Variants in PDIA3 observed in about 807,000 individuals in gnomAD.
PDIA3 encodes the protein protein disulfide-isomerase A3.
PDIA3 carries 16 observed loss-of-function variants against 56.9 expected under a neutral mutation model. The ratio of observed to expected loss-of-function variants is 0.28; its 90% CI spans 0.19 to 0.43. PDIA3 has a LOEUF of 0.43. PDIA3 is among the 20% of genes least tolerant of loss of function. The pLI is 1.00. For missense variants in PDIA3, 485 were observed against 621.3 expected, an observed-to-expected ratio of 0.78 and a Z score of 2.33; for synonymous variants, 192 against 216.5, an observed-to-expected ratio of 0.89 and a Z score of 0.99.
intron 3 of PDIA3, among the ~76,000 whole-genome samples, chr15:43,760,050 G>A (rs117519814): frequency 0.048 from 7,363 of 152,008 alleles, 242 homozygotes; most frequent in East Asian, 0.12. Context: ...TGTTGCAATC[G>A]CGCCATTGCA....
chr15:43,771,481 G>T lies in PDIA3; in HGVS notation c.*263G>T. 6.7e-6 allele frequency: 3 copies of T among 448,082 alleles called. No individual in the cohort carries two copies. The highest frequency in any genetic ancestry group is 3.3e-5 in the East Asian group (1 of 30,120). 27.8% of individuals were successfully genotyped at this position (448,082 alleles called of 1,614,324 possible). On this transcript the variant is annotated 3_prime_UTR_variant, in exon 13 of 13. Transcript: ENST00000300289. ...GTTGTGGGGGTGGGGTTGAGTTGGG[G>T]GTATTTTCTAATTTTTTTTGTACAT...
chr15:43,748,307 C>A (rs1180613918), intron 1 of PDIA3, among the ~76,000 whole-genome samples: 1 of 147,514 alleles, frequency 6.8e-6, no homozygotes, highest in Non-Finnish European at 1.5e-5. Flanking sequence ...GAGAAACCCC[C>A]GTCTCTACTA....
At chr15:43,756,552 C>A (rs1272968271) in intron 2 of PDIA3, 97 bp from the exon 3 acceptor site, 10 of 734,294 alleles carry the variant, frequency 1.4e-5, no homozygotes, top group South Asian at 3.2e-5. Context: ...TTCCTTGATC[C>A]CCTTAGGATT....
intron 4 of PDIA3, among the ~76,000 whole-genome samples, 197 bp from the exon 5 acceptor site, chr15:43,762,880 A>T (rs182369274): frequency 5.7e-4 from 87 of 152,212 alleles, no homozygotes; most frequent in Non-Finnish European, 1.1e-3. Flanking sequence ...GGCTCTCTCA[A>T]GAAATGTTTC....
In PDIA3 at chr15:43,773,114, C is replaced by G. The variant is rs1327980747; in HGVS notation, c.*1896C>G. On this transcript the variant is annotated 3_prime_UTR_variant, in exon 13 of 13. Transcript: ENST00000300289. Reference sequence around the variant, plus strand: ...AGAGGCTCAAAAATTCCCTTGATAACTTCAGCTGCCCCTGTTCTTTTCCTC... The same window carrying G: ...AGAGGCTCAAAAATTCCCTTGATAAGTTCAGCTGCCCCTGTTCTTTTCCTC... The G allele has an allele frequency of 6.3e-7, 1 of 1,594,772 alleles. No individual in the cohort carries two copies. Among genetic ancestry groups the G allele is most frequent in the South Asian group, 1.1e-5 (1 of 87,962 alleles).
intron 2 of PDIA3, among the ~76,000 whole-genome samples, chr15:43,754,650 A>G (rs1339691913): frequency 6.6e-6 from 1 of 151,562 alleles, no homozygotes; most frequent in Non-Finnish European, 1.5e-5. Context: ...TTGAGGCTGC[A>G]GTGACTAGAC....
intron 4 of PDIA3, 55 bp downstream of exon 4, chr15:43,761,586 C>A: frequency 1.1e-6 from 1 of 949,276 alleles, no homozygotes; most frequent in East Asian, 2.4e-5. Flanking sequence ...TTTCCAAAAC[C>A]CTCCATGTCT....
chr15:43,753,586 C>T (rs1381144641), intron 1 of PDIA3, among the ~76,000 whole-genome samples: 2 of 152,206 alleles, frequency 1.3e-5, no homozygotes, highest in Non-Finnish European at 2.9e-5. Flanking sequence ...GAAAATAGAG[C>T]TGCCCTGTGC....
Position 43,759,154 on chromosome 15 carries a change from G to A in PDIA3, c.365-2270G>A, listed in dbSNP as rs1202574110. ...AAATACAAAAAATTAGCCGGGTGCA[G>A]TGGCGGGTGCCTGTAGTTCCAGCTA... is the stretch of plus-strand genomic sequence containing the variant. On this transcript the variant is annotated intron_variant, in intron 3 of 12. Transcript: ENST00000300289. Among the ~76,000 whole-genome samples the A allele has an allele frequency of 2.6e-5, 4 of 151,926 alleles. No homozygotes were observed. The East Asian group carries it at 7.7e-4, about 29-fold the overall frequency.
chr15:43,770,602 C>G, intron 12 of PDIA3, 22 bp downstream of exon 12: 1 of 1,504,052 alleles, frequency 6.6e-7, no homozygotes, highest in Non-Finnish European at 9.3e-7. Flanking sequence ...GTCCCATATC[C>G]CCACAAATAT....
Position 43,748,636 on chromosome 15 carries a change from A to C in PDIA3, c.167+1930A>C, listed in dbSNP as rs1200575368. Among the ~76,000 whole-genome samples the C allele has an allele frequency of 2.0e-5, 3 of 152,210 alleles. No individual in the cohort carries two copies. The East Asian group carries it at 5.8e-4, about 29-fold the overall frequency. ...GTGGTGTCTGCTTTTAATTGGTTTA[A>C]AAGAAAAAGTCATCCTCCACAATTT... On this transcript the variant is annotated intron_variant, in intron 1 of 12. Transcript: ENST00000300289.
At chr15:43,761,891 T>A (rs1205049019) in intron 4 of PDIA3, among the ~76,000 whole-genome samples, 1 of 152,136 alleles carries the variant, frequency 6.6e-6, no homozygotes, top group African/African-American at 2.4e-5. Flanking sequence ...AACTCTGAGA[T>A]TTGACTCACA....
At position 43,771,281 on chromosome 15, in the gene PDIA3, G is replaced by A; in HGVS notation, c.*63G>A. Reference sequence around the variant, plus strand: ...CATCAGAGATGGGAAAACCATTGGGGAGGACTAGGACCCATATGGGAATTA... The same window carrying A: ...CATCAGAGATGGGAAAACCATTGGGAAGGACTAGGACCCATATGGGAATTA... On this transcript the variant is annotated 3_prime_UTR_variant, in exon 13 of 13. Coordinates refer to ENST00000300289, the MANE Select transcript of PDIA3 (RefSeq NM_005313.5). The A allele has an allele frequency of 9.8e-7, 1 of 1,020,996 alleles. No individual in the cohort carries two copies. The highest frequency in any genetic ancestry group is 1.9e-5 in the Admixed American group (1 of 52,938). 63.2% of individuals were successfully genotyped at this position (1,020,996 alleles called of 1,614,324 possible).
In PDIA3 at chr15:43,770,281, A is replaced by G; in HGVS notation, c.1298A>G (p.Lys433Arg). 7.4e-6 allele frequency: 12 copies of G among 1,614,204 alleles called. No homozygotes were observed. Among genetic ancestry groups the G allele is most frequent in the Non-Finnish European group, 1.0e-5 (12 of 1,180,002 alleles). The part of the protein sequence containing the change: ...LSKDPNIVIA[K>R]MDATANDVPS... ...AAAGACCCAAATATCGTCATAGCCA[A>G]GATGGATGCCACAGCCAATGATGTG... is the stretch of plus-strand genomic sequence containing the variant. Residue 433 changes from lysine to arginine, a missense_variant, in exon 11 of 13, where the codon AAG becomes AGG. Coordinates refer to ENST00000300289, the MANE Select transcript of PDIA3 (RefSeq NM_005313.5).
At chr15:43,760,884 G>C (rs2086810870) in intron 3 of PDIA3, among the ~76,000 whole-genome samples, 1 of 151,828 alleles carries the variant, frequency 6.6e-6, no homozygotes, top group Admixed American at 6.6e-5. Flanking sequence ...ATAAAAGGTT[G>C]AGGTAGCTAT....
intron 7 of PDIA3, 89 bp downstream of exon 7, chr15:43,766,101 C>T: frequency 2.3e-6 from 2 of 851,548 alleles, no homozygotes; most frequent in African/African-American, 1.8e-5. Flanking sequence ...CCTTAAGAAT[C>T]TGTAAAACAA....
rs1396652391 is a variant in PDIA3, at chr15:43,773,120, C to G, written c.*1902C>G. 3 of 1,601,116 alleles carry G rather than the reference C, an allele frequency of 1.9e-6. No individual in the cohort carries two copies. The highest frequency in any genetic ancestry group is 2.6e-6 in the Non-Finnish European group (3 of 1,175,966). The stretch of plus-strand genomic sequence containing the variant: ...TCAAAAATTCCCTTGATAACTTCAG[C>G]TGCCCCTGTTCTTTTCCTCAAACTC... On this transcript the variant is annotated 3_prime_UTR_variant, in exon 13 of 13. Coordinates refer to ENST00000300289, the MANE Select transcript of PDIA3 (RefSeq NM_005313.5).
At chr15:43,756,236 A>G (rs2086777845) in intron 2 of PDIA3, among the ~76,000 whole-genome samples, 1 of 152,180 alleles carries the variant, frequency 6.6e-6, no homozygotes, top group South Asian at 2.1e-4. Context: ...TGCAAAATCA[A>G]ATTACATTAC....
chr15:43,746,776 T>C (rs2086709132), intron 1 of PDIA3, 70 bp downstream of exon 1: 2 of 1,539,344 alleles, frequency 1.3e-6, no homozygotes, highest in African/African-American at 1.4e-5. Flanking sequence ...CGGGGAACTG[T>C]TGGGCCTACG....
Sources: gnomAD v4.1 joint callset for allele counts (sites outside exome capture counted in the v4.1 genomes callset) on GRCh38, gnomAD v4.1.1 for gene constraint, MANE v1.5 for transcripts, NCBI Gene and HGNC (gene_info 2026-07-23, HGNC 2026-07-21) for gene names.